The following GALNT18 variants were observed in gnomAD, a reference collection of about 807,000 sequenced individuals.
GALNT18 encodes the protein GalNAc-transferase 18.
GALNT18 carries 44 observed loss-of-function variants against 69.5 expected under a neutral mutation model. The observed-to-expected ratio is 0.63, with a 90% confidence interval of 0.50 to 0.81. GALNT18 has a LOEUF of 0.81. GALNT18 is among the 40% of genes least tolerant of loss of function. The pLI, the probability that GALNT18 is intolerant of heterozygous loss-of-function variation, is 0.00. For missense variants in GALNT18, 715 were observed against 810.0 expected, an observed-to-expected ratio of 0.88 and a Z score of 1.42; for synonymous variants, 364 against 318.2, an observed-to-expected ratio of 1.14 and a Z score of -1.53.
At chr11:11,327,604 C>G (rs771377492) in intron 8 of GALNT18, among the ~76,000 whole-genome samples, 2 of 152,236 alleles carry the variant, frequency 1.3e-5, no homozygotes, top group Non-Finnish European at 2.9e-5. Flanking sequence ...ACCAGACGCT[C>G]TCTGCCTCCT....
chr11:11,444,281 C>A lies in GALNT18; in HGVS notation c.428+4463G>T, dbSNP rs1173128117. Among the ~76,000 whole-genome samples, 1 of 152,124 alleles carries A rather than the reference C, an allele frequency of 6.6e-6. No homozygotes were observed. The highest frequency in any genetic ancestry group is 1.5e-5 in the Non-Finnish European group (1 of 68,034). On this transcript the variant is annotated intron_variant, in intron 2 of 10. Coordinates refer to ENST00000227756, the MANE Select transcript of GALNT18 (RefSeq NM_198516.3). The surrounding 1 kb of genome is among the most constrained non-coding windows in gnomAD (Gnocchi z 4.4). ...AGGCCCTGCCTCCCTGCCACAGAGG[C>A]ACCAGAGGGACAGTGCTTCTGTGAC... is the stretch of plus-strand genomic sequence containing the variant.
Position 11,604,941 on chromosome 11 carries a change from G to A in GALNT18, c.235+16418C>T, listed in dbSNP as rs1038715569. 6.6e-6 allele frequency among the ~76,000 whole-genome samples: 1 copy of A among 152,074 alleles called. No individual in the cohort carries two copies. The highest frequency in any genetic ancestry group is 2.4e-5 in the African/African-American group (1 of 41,396). The stretch of plus-strand genomic sequence containing the variant: ...GGCTATTGCTCCTGGCCGTGAGTCT[G>A]CGGAGGTAAAAAAAAAGAATGGAAT... On this transcript the variant is annotated intron_variant, in intron 1 of 10. Coordinates refer to ENST00000227756, the MANE Select transcript of GALNT18 (RefSeq NM_198516.3). The surrounding 1 kb of genome is among the most constrained non-coding windows in gnomAD (Gnocchi z 5.6).
At chr11:11,495,999 C>T (rs569948580) in intron 1 of GALNT18, among the ~76,000 whole-genome samples, 2 of 152,322 alleles carry the variant, frequency 1.3e-5, no homozygotes, top group African/African-American at 4.8e-5. Context: ...TAATCCTAAT[C>T]CTAAAACATA....
chr11:11,440,950 G>A (rs538184537), intron 2 of GALNT18, among the ~76,000 whole-genome samples: 47 of 152,264 alleles, frequency 3.1e-4, no homozygotes, highest in African/African-American at 1.1e-3. Flanking sequence ...TGAGAGACCT[G>A]GCCTCGGAAA....
At chr11:11,441,200 A>G (rs921328340) in intron 2 of GALNT18, among the ~76,000 whole-genome samples, 12 of 152,230 alleles carry the variant, frequency 7.9e-5, no homozygotes, top group Non-Finnish European at 4.4e-5. Flanking sequence ...CAAGAATAAC[A>G]TTATACTCTT....
Position 11,432,873 on chromosome 11 carries a change from T to C in GALNT18, c.429-86A>G. Reference sequence around the variant, plus strand: ...CCCAGCCCATGTCCTGGCTCCAGCTTTGCTGGAGGGCTCGGGAGTCCAGAT... The same window carrying C: ...CCCAGCCCATGTCCTGGCTCCAGCTCTGCTGGAGGGCTCGGGAGTCCAGAT... On this transcript the variant is annotated intron_variant, in intron 2 of 10. Transcript: ENST00000227756. The surrounding 1 kb of genome is among the most constrained non-coding windows in gnomAD (Gnocchi z 5.8). 7.2e-7 allele frequency: 1 copy of C among 1,382,752 alleles called. No individual in the cohort carries two copies. Among genetic ancestry groups the C allele is most frequent in the Non-Finnish European group, 1.0e-6 (1 of 1,004,790 alleles). 85.7% of individuals were successfully genotyped at this position (1,382,752 alleles called of 1,614,324 possible). A position where few individuals can be genotyped will look rare whatever the true frequency, so the allele number is the denominator to read the frequency against.
At position 11,617,515 on chromosome 11, in the gene GALNT18, G is replaced by A. The variant is rs1860085444; in HGVS notation, c.235+3844C>T. 6.6e-6 allele frequency among the ~76,000 whole-genome samples: 1 copy of A among 152,152 alleles called. No individual in the cohort carries two copies. The highest frequency in any genetic ancestry group is 1.5e-5 in the Non-Finnish European group (1 of 68,018). On this transcript the variant is annotated intron_variant, in intron 1 of 10. Coordinates refer to ENST00000227756, the MANE Select transcript of GALNT18 (RefSeq NM_198516.3). This position sits in a 1 kb window ranked among gnomAD's most constrained non-coding sequence, Gnocchi z 4.7. ...CGTTAACAAAAAGAAAGTGAACAAA[G>A]CAGAATATAAAATTACATGTAAATC...
chr11:11,330,484 C>T (rs912218551), intron 8 of GALNT18, among the ~76,000 whole-genome samples: 2 of 152,128 alleles, frequency 1.3e-5, no homozygotes, highest in Non-Finnish European at 2.9e-5. Context: ...GGGCTTGTCC[C>T]GTGGAGAAGG....
intron 9 of GALNT18, among the ~76,000 whole-genome samples, chr11:11,300,255 G>T (rs1849470439): frequency 6.6e-6 from 1 of 152,158 alleles, no homozygotes; most frequent in African/African-American, 2.4e-5. Flanking sequence ...GTATCTTTGG[G>T]GCATTTAGAC....
At chr11:11,285,086 G>C (rs1236489489) in intron 10 of GALNT18, among the ~76,000 whole-genome samples, 1 of 151,938 alleles carries the variant, frequency 6.6e-6, no homozygotes, top group African/African-American at 2.4e-5. Context: ...CAGCAGGATG[G>C]CTGGAGGGAG....
intron 6 of GALNT18, chr11:11,352,549 G>A (rs572605047): frequency 1.4e-4 from 233 of 1,614,046 alleles, no homozygotes; most frequent in African/African-American, 4.3e-4. Flanking sequence ...GAAGCAACTC[G>A]GACATTATAT....
At chr11:11,299,729 C>G (rs1351085238) in intron 9 of GALNT18, among the ~76,000 whole-genome samples, 1 of 152,156 alleles carries the variant, frequency 6.6e-6, no homozygotes, top group Non-Finnish European at 1.5e-5. Context: ...GGCATTTAGG[C>G]TGGTTCCATG....
chr11:11,612,723 T>C (rs1299672758), intron 1 of GALNT18, among the ~76,000 whole-genome samples: 1 of 152,352 alleles, frequency 6.6e-6, no homozygotes, highest in East Asian at 1.9e-4. Context: ...AACTCTGCTC[T>C]GAGACTTAAA....
At chr11:11,498,107 G>C (rs1856903196) in intron 1 of GALNT18, among the ~76,000 whole-genome samples, 1 of 152,150 alleles carries the variant, frequency 6.6e-6, no homozygotes, top group Non-Finnish European at 1.5e-5. Flanking sequence ...AATTCTTCTA[G>C]GATTATGTAC....
chr11:11,548,814 A>T (rs1414384023), intron 1 of GALNT18, among the ~76,000 whole-genome samples: 1 of 152,262 alleles, frequency 6.6e-6, no homozygotes, highest in Non-Finnish European at 1.5e-5. Flanking sequence ...CTGATGGCAG[A>T]AAACTCAACA....
rs1854829954 is a variant in GALNT18 at position 11,415,284 on chromosome 11, C to T, written c.595+17337G>A. ...ACAGCAGGACTCAGATTAGTATTTGCTTGAATAACTCGGCGAAGTGAATAT... is the reference window on the plus strand; with the variant it reads ...ACAGCAGGACTCAGATTAGTATTTGTTTGAATAACTCGGCGAAGTGAATAT... On this transcript the variant is annotated intron_variant, in intron 3 of 10. Transcript: ENST00000227756. The surrounding 1 kb of genome is among the most constrained non-coding windows in gnomAD (Gnocchi z 4.1). Among the ~76,000 whole-genome samples, 1 of 152,114 alleles carries T rather than the reference C, an allele frequency of 6.6e-6. No homozygotes were observed. Among genetic ancestry groups the T allele is most frequent in the African/African-American group, 2.4e-5 (1 of 41,438 alleles).
chr11:11,447,503 G>T (rs1409371892), intron 2 of GALNT18, among the ~76,000 whole-genome samples: 1 of 152,172 alleles, frequency 6.6e-6, no homozygotes, highest in Non-Finnish European at 1.5e-5. Flanking sequence ...TCACTGCTTT[G>T]TCCCTTGTAT....
In GALNT18 at chr11:11,383,827, CTCTCTCTCTCTCTG is replaced by C. The variant is rs1853983004; in HGVS notation, c.596-4577_596-4564del. 6.6e-6 allele frequency among the ~76,000 whole-genome samples: 1 copy of C among 151,590 alleles called. No homozygotes were observed. Among genetic ancestry groups the C allele is most frequent in the Non-Finnish European group, 1.5e-5 (1 of 67,878 alleles). On this transcript the variant is annotated intron_variant, in intron 3 of 10. Coordinates refer to ENST00000227756, the MANE Select transcript of GALNT18 (RefSeq NM_198516.3). The surrounding 1 kb of genome is among the most constrained non-coding windows in gnomAD (Gnocchi z 5.2). ...TAAGTGTGGCACTTCCTCTCTCTCTCTCTCTCTCTCTCTGTCTCTCTCTCCCTCTCTCTCCTGCC... is the reference window on the plus strand; with the variant it reads ...TAAGTGTGGCACTTCCTCTCTCTCTCTCTCTCTCTCCCTCTCTCTCCTGCC...
At chr11:11,279,526 T>G (rs566360918) in intron 10 of GALNT18, among the ~76,000 whole-genome samples, 1 of 152,276 alleles carries the variant, frequency 6.6e-6, no homozygotes, top group South Asian at 2.1e-4. Flanking sequence ...CCATCAATAG[T>G]ACAGCAGACA....
Sources: gnomAD v4.1 joint callset for allele counts (sites outside exome capture counted in the v4.1 genomes callset) on GRCh38, gnomAD v4.1.1 for gene constraint, Gnocchi (gnomAD v3.1) non-coding constraint, MANE v1.5 for transcripts, NCBI Gene and HGNC (gene_info 2026-07-23, HGNC 2026-07-21) for gene names.